RPS5: variants seen among roughly 807,000 people sequenced by gnomAD.
RPS5 encodes small ribosomal subunit protein uS7.
In RPS5, 2 loss-of-function variants were observed where a neutral mutation model predicts 20.9. The ratio of observed to expected loss-of-function variants is 0.10; its 90% CI spans 0.04 to 0.30. The LOEUF (loss-of-function observed/expected upper bound fraction) is 0.30. RPS5 is among the 10% of genes least tolerant of loss of function. RPS5 has a pLI of 1.00. For synonymous variants in RPS5, 112 were observed against 105.8 expected (o/e 1.06, Z -0.36); for missense variants, 122 against 287.2 (o/e 0.42, Z 4.16).
At chr19:58,389,554 C>T (rs1321243785) in intron 2 of RPS5, among the ~76,000 whole-genome samples, 1 of 152,162 alleles carries the variant, frequency 6.6e-6, no homozygotes, top group East Asian at 1.9e-4. Context: ...TCTTGTAGAT[C>T]TTGGCTTTTC....
In RPS5 at chr19:58,393,112, A is replaced by T; in HGVS notation, c.245A>T (p.Asn82Ile). Residue 82 changes from asparagine (N) to isoleucine (I), a missense_variant, in exon 3 of 6, where the codon AAC (asparagine) becomes ATC (isoleucine). Physicochemically the swap from Asn to Ile is moderately radical, Grantham distance 149. Transcript: ENST00000196551. ...AACTCCATGATGATGCACGGCCGCA[A>T]CAACGGCAAGAAGCTCATGACTGTG... is the stretch of plus-strand genomic sequence containing the variant. ...LTNSMMMHGR[N>I]NGKKLMTVRI... 1 of 1,614,272 alleles carries T rather than the reference A, an allele frequency of 6.2e-7. No homozygotes were observed. The highest frequency in any genetic ancestry group is 8.5e-7 in the Non-Finnish European group (1 of 1,180,046).
At chr19:58,393,628 C>T (rs1249605913) in intron 4 of RPS5, 141 bp downstream of exon 4, 1 of 1,096,676 alleles carries the variant, frequency 9.1e-7, no homozygotes. Context: ...CCTGGATTCC[C>T]ACCCTGCATA....
intron 2 of RPS5, chr19:58,388,579 G>GT (rs1215564597): frequency 8.6e-5 from 26 of 300,782 alleles, no homozygotes; most frequent in Non-Finnish European, 1.2e-4. Context: ...CTAAAGAGAT[G>GT]TTTTTTTTCC....
chr19:58,392,323 A>AGGC (rs2052368496), intron 2 of RPS5, among the ~76,000 whole-genome samples: 1 of 149,886 alleles, frequency 6.7e-6, no homozygotes, highest in East Asian at 2.0e-4. Flanking sequence ...CTCAGCCTCA[A>AGGC]GGGGGGGAAA....
At chr19:58,390,920 C>T (rs1232470782) in intron 2 of RPS5, among the ~76,000 whole-genome samples, 1 of 152,108 alleles carries the variant, frequency 6.6e-6, no homozygotes, top group Non-Finnish European at 1.5e-5. Context: ...CTTTTCCCAT[C>T]ATTCCTTGTA....
intron 1 of RPS5, 166 bp from the exon 2 acceptor site, chr19:58,387,971 A>G (rs1461033775): frequency 3.5e-5 from 21 of 601,358 alleles, no homozygotes; most frequent in Non-Finnish European, 6.2e-5. Context: ...CTGACAGCTG[A>G]GTAATTTTTC....
intron 2 of RPS5, among the ~76,000 whole-genome samples, chr19:58,391,171 G>A (rs1472639600): frequency 2.6e-5 from 4 of 152,162 alleles, no homozygotes; most frequent in East Asian, 1.9e-4. Flanking sequence ...TGGGCCGGGC[G>A]CCGTAATCCC....
In RPS5 at chr19:58,394,539, C is replaced by T. The variant is rs1239457988; in HGVS notation, c.490C>T (p.Arg164Trp). The change falls in exon 5 of 6, where the codon CGG (arginine) becomes TGG (tryptophan). Residue 164 changes from arginine to tryptophan, a missense_variant. Arg to Trp is a moderately radical substitution (Grantham distance 101, BLOSUM62 -3). Coordinates refer to ENST00000196551, the MANE Select transcript of RPS5 (RefSeq NM_001009.4). ...LCTGAREAAF[R>W]NIKTIAECLA... is the part of the protein sequence containing the mutation. ...CACAGGCGCTCGTGAGGCTGCCTTC[C>T]GGAACATTAAGACCATTGCTGAGTG... 1.9e-6 allele frequency: 3 copies of T among 1,614,088 alleles called. No homozygotes were observed. Among genetic ancestry groups the T allele is most frequent in the Admixed American group, 1.7e-5 (1 of 59,998 alleles).
chr19:58,388,587 T>C (rs2052342392), intron 2 of RPS5: 4 of 394,870 alleles, frequency 1.0e-5, no homozygotes, highest in Admixed American at 4.3e-5. Context: ...ATGTTTTTTT[T>C]CCCTCAATTG....
At chr19:58,391,090 A>G (rs562175723) in intron 2 of RPS5, among the ~76,000 whole-genome samples, 2 of 152,128 alleles carry the variant, frequency 1.3e-5, no homozygotes, top group Non-Finnish European at 2.9e-5. Flanking sequence ...GCATTTTTCT[A>G]GATTTTTGTG....
At chr19:58,394,334 C>T (rs2052383327) in intron 4 of RPS5, 163 bp from the exon 5 acceptor site, 1 of 626,246 alleles carries the variant, frequency 1.6e-6, no homozygotes, top group Non-Finnish European at 2.9e-6. Context: ...GACACTTGCT[C>T]TTGTGACCCT....
intron 2 of RPS5, among the ~76,000 whole-genome samples, chr19:58,391,841 G>A (rs1236577229): frequency 6.6e-6 from 1 of 151,792 alleles, no homozygotes; most frequent in African/African-American, 2.4e-5. Context: ...CAGGAGAATT[G>A]CTTGAACCTG....
At chr19:58,392,935 C>T in intron 2 of RPS5, 41 bp from the exon 3 acceptor site, 2 of 1,597,856 alleles carry the variant, frequency 1.3e-6, no homozygotes, top group Non-Finnish European at 1.7e-6. Flanking sequence ...CATGCTGCTC[C>T]TGACCATTTT....
intron 2 of RPS5, 172 bp downstream of exon 2, chr19:58,388,417 G>A: frequency 3.3e-6 from 2 of 601,646 alleles, no homozygotes; most frequent in Non-Finnish European, 6.0e-6. Context: ...CCTGTTCAAA[G>A]ATGACTACAA....
rs776498157 is a variant in RPS5, at chr19:58,393,346, C to T, written c.319-13C>T. Reference sequence around the variant, plus strand: ...GGGGCTGGATGTCAGGCTCATATCCCCCTTCTCTCTAGAACCCTCTGCAGG... The same window carrying T: ...GGGGCTGGATGTCAGGCTCATATCCTCCTTCTCTCTAGAACCCTCTGCAGG... On this transcript the variant is annotated splice_polypyrimidine_tract_variant and intron_variant, in intron 3 of 5. Coordinates refer to ENST00000196551, the MANE Select transcript of RPS5 (RefSeq NM_001009.4). 6.2e-7 allele frequency: 1 copy of T among 1,613,236 alleles called. No individual in the cohort carries two copies. Among genetic ancestry groups the T allele is most frequent in the Non-Finnish European group, 8.5e-7 (1 of 1,179,348 alleles).
chr19:58,394,308 T>G, intron 4 of RPS5, 189 bp from the exon 5 acceptor site: 3 of 579,154 alleles, frequency 5.2e-6, no homozygotes, highest in Admixed American at 2.9e-5. Flanking sequence ...CTTCAGCCTG[T>G]GTGTGTGTGT....
rs149569421 is a variant in RPS5, at chr19:58,390,850, G to GT, written c.109-2116dup. ...GTGAATGCCCTTCACGAGACTGTGAGTTTTTTTTTTCTTGCAGCCAGACTA... is the reference window on the plus strand; with the variant it reads ...GTGAATGCCCTTCACGAGACTGTGAGTTTTTTTTTTTCTTGCAGCCAGACTA... On this transcript the variant is annotated intron_variant, in intron 2 of 5. Transcript: ENST00000196551. Among the ~76,000 whole-genome samples the GT allele has an allele frequency of 9.2e-3, 1,390 of 150,274 alleles. 10 individuals are homozygous for GT. Among genetic ancestry groups the GT allele is most frequent in the Middle Eastern group, 0.028 (8 of 290 alleles).
chr19:58,390,692 G>T (rs1370350492), intron 2 of RPS5, among the ~76,000 whole-genome samples: 1 of 152,120 alleles, frequency 6.6e-6, no homozygotes, highest in African/African-American at 2.4e-5. Flanking sequence ...TTAAGTGCCT[G>T]TTCCACTAGG....
At chr19:58,394,369 A>G (rs2052383483) in intron 4 of RPS5, 128 bp from the exon 5 acceptor site, 1 of 710,548 alleles carries the variant, frequency 1.4e-6, no homozygotes, top group African/African-American at 1.8e-5. Context: ...ATCAGGCATG[A>G]TGCCACCACC....
Sources: allele counts gnomAD v4.1 joint callset (sites outside exome capture counted in the v4.1 genomes callset), GRCh38; gene constraint gnomAD v4.1.1; transcripts MANE v1.5; gene names NCBI Gene and HGNC (gene_info 2026-07-23, HGNC 2026-07-21).